Variants in AP1S3 observed in about 807,000 individuals in gnomAD.
AP1S3 encodes adaptor related protein complex 1 subunit sigma 3.
Under a neutral mutation model 20.9 loss-of-function variants are expected in AP1S3, and 10 were observed. The observed-to-expected ratio is 0.48, with a 90% CI of 0.29 to 0.81. The LOEUF is 0.81. Among genes scored for constraint, AP1S3 ranks in the 30% least tolerant of loss-of-function variants. The pLI is 0.08. For synonymous variants in AP1S3, 41 were observed against 61.5 expected (o/e 0.67, Z 1.56); for missense variants, 154 against 183.8 (o/e 0.84, Z 0.94).
At chr2:223,805,837 A>G (rs1456021740) in intron 1 of AP1S3, among the ~76,000 whole-genome samples, 2 of 152,178 alleles carry the variant, frequency 1.3e-5, no homozygotes, top group East Asian at 3.8e-4. Context: ...GAACTTTTAC[A>G]AATAATTATT....
At chr2:223,825,182 G>A (rs1054228992) in intron 1 of AP1S3, among the ~76,000 whole-genome samples, 6 of 151,966 alleles carry the variant, frequency 3.9e-5, no homozygotes, top group Admixed American at 2.6e-4. Flanking sequence ...GCGTGGTGGC[G>A]GGCGCCTGTA....
intron 1 of AP1S3, 51 bp downstream of exon 1, chr2:223,837,397 A>G: frequency 9.1e-7 from 1 of 1,101,894 alleles, no homozygotes; most frequent in Non-Finnish European, 1.1e-6. Flanking sequence ...GCCTCCCCGG[A>G]GCGCGAGCGC....
At chr2:223,780,306 TATAGAGAGAGAGAGAGAGAG>T (rs1397881438) in intron 1 of AP1S3, among the ~76,000 whole-genome samples, 4 of 45,252 alleles carry the variant, frequency 8.8e-5, no homozygotes, top group Admixed American at 6.3e-4. Context: ...TATATATATA[TATAGAGAGAGAGAGAGAGAG>T]AGAGAGAGAG....
chr2:223,773,243 G>T, intron 3 of AP1S3: 1 of 1,276,550 alleles, frequency 7.8e-7, no homozygotes, highest in Non-Finnish European at 1.0e-6. Context: ...GTTTAATCTA[G>T]GAAAATACAA....
intron 1 of AP1S3, among the ~76,000 whole-genome samples, chr2:223,782,248 C>T (rs776513983): frequency 2.1e-4 from 32 of 151,936 alleles, no homozygotes; most frequent in Non-Finnish European, 3.4e-4. Context: ...CCTGACCTCA[C>T]GTGATTGGCC....
intron 1 of AP1S3, among the ~76,000 whole-genome samples, chr2:223,805,174 C>T (rs1006084064): frequency 2.6e-5 from 4 of 152,078 alleles, no homozygotes; most frequent in African/African-American, 9.7e-5. Context: ...TGCCGAGGCT[C>T]ACGCCTCTAA....
At chr2:223,790,582 A>G (rs1335521770) in intron 1 of AP1S3, among the ~76,000 whole-genome samples, 1 of 152,124 alleles carries the variant, frequency 6.6e-6, no homozygotes, top group Non-Finnish European at 1.5e-5. Flanking sequence ...GTACAGGTTC[A>G]TAGAATAAGG....
At chr2:223,797,398 T>C (rs1691363917) in intron 1 of AP1S3, among the ~76,000 whole-genome samples, 1 of 152,188 alleles carries the variant, frequency 6.6e-6, no homozygotes, top group Non-Finnish European at 1.5e-5. Flanking sequence ...TCAGATTTTT[T>C]TCCCAAAAGC....
intron 1 of AP1S3, among the ~76,000 whole-genome samples, chr2:223,805,293 A>G (rs1469949995): frequency 2.0e-5 from 3 of 152,078 alleles, no homozygotes; most frequent in African/African-American, 7.2e-5. Context: ...AGAAACAAAA[A>G]TTAGCTGGGC....
In AP1S3 at chr2:223,803,091, T is replaced by C. The variant is rs73088106; in HGVS notation, c.4-25222A>G. Among the ~76,000 whole-genome samples the C allele has an allele frequency of 4.2e-3, 636 of 152,332 alleles. 2 individuals carry two copies. Among genetic ancestry groups the C allele is most frequent in the African/African-American group, 0.015 (619 of 41,586 alleles). ...AGCCAAGTTTAAATTTTTATGATGTTATCAGATGTAAACAAACATAAATAT... is the reference window on the plus strand; with the variant it reads ...AGCCAAGTTTAAATTTTTATGATGTCATCAGATGTAAACAAACATAAATAT... On this transcript the variant is annotated intron_variant, in intron 1 of 4. Transcript: ENST00000396654.
intron 1 of AP1S3, among the ~76,000 whole-genome samples, chr2:223,806,174 G>A (rs1691574789): frequency 6.6e-6 from 1 of 151,816 alleles, no homozygotes; most frequent in Non-Finnish European, 1.5e-5. Context: ...ACTGTTGAAA[G>A]CACCAAGCCC....
chr2:223,777,612 T>A, intron 2 of AP1S3, 79 bp downstream of exon 2: 1 of 1,263,330 alleles, frequency 7.9e-7, no homozygotes, highest in Non-Finnish European at 1.1e-6. Context: ...ATGGAATTGG[T>A]ATAGCAATCT....
At chr2:223,772,785 G>T (rs1456948771) in intron 3 of AP1S3, among the ~76,000 whole-genome samples, 1 of 152,128 alleles carries the variant, frequency 6.6e-6, no homozygotes, top group Admixed American at 6.6e-5. Context: ...TATAAGGGCA[G>T]AATTCAAGGA....
At chr2:223,798,788 G>A (rs926819196) in intron 1 of AP1S3, among the ~76,000 whole-genome samples, 3 of 152,156 alleles carry the variant, frequency 2.0e-5, no homozygotes, top group Non-Finnish European at 2.9e-5. Context: ...CATAGATGTT[G>A]CAGCTGGGTG....
rs1426477548 is a variant in AP1S3 at position 223,756,551 on chromosome 2, AAC to A, written c.*2162_*2163del. On this transcript the variant is annotated 3_prime_UTR_variant, in exon 5 of 5. Transcript: ENST00000396654. ...ACAAAACTGAAGGTTAGCTAAAGTA[AAC>A]ACAGTGGTCAATCATACATGATAAA... is the stretch of plus-strand genomic sequence containing the variant. 1.0e-6 allele frequency: 1 copy of A among 985,354 alleles called. No homozygotes were observed. The highest frequency in any genetic ancestry group is 1.7e-5 in the African/African-American group (1 of 57,250). 61.0% of individuals were successfully genotyped at this position (985,354 alleles called of 1,614,324 possible). A position where few individuals can be genotyped will look rare whatever the true frequency, so the allele number is the denominator to read the frequency against.
Position 223,772,272 on chromosome 2 carries a change from C to A in AP1S3, c.291+3629G>T, listed in dbSNP as rs139327913. Among the ~76,000 whole-genome samples the A allele has an allele frequency of 1.1e-3, 170 of 152,282 alleles. 1 individual carries two copies. The highest frequency in any genetic ancestry group is 3.6e-3 in the African/African-American group (151 of 41,546). ...CACTTCTCTTAACCTTTTTGAGGGTCATTTTTCTCATCTGCAAAACGGAGA... is the reference window on the plus strand; with the variant it reads ...CACTTCTCTTAACCTTTTTGAGGGTAATTTTTCTCATCTGCAAAACGGAGA... On this transcript the variant is annotated intron_variant, in intron 3 of 4. Coordinates refer to ENST00000396654, the MANE Select transcript of AP1S3 (RefSeq NM_001039569.2).
At chr2:223,804,953 G>T (rs10172799) in intron 1 of AP1S3, among the ~76,000 whole-genome samples, 3 of 151,994 alleles carry the variant, frequency 2.0e-5, no homozygotes. Flanking sequence ...AAATGATTTA[G>T]GCTTAAAACT....
intron 3 of AP1S3, among the ~76,000 whole-genome samples, chr2:223,765,953 G>A (rs539879943): frequency 1.4e-4 from 21 of 152,272 alleles, no homozygotes; most frequent in Admixed American, 5.9e-4. Flanking sequence ...TGAGGCCGCC[G>A]GACTGCGGGA....
chr2:223,756,930 A>G lies in AP1S3; in HGVS notation c.*1785T>C. On this transcript the variant is annotated 3_prime_UTR_variant, in exon 5 of 5. Coordinates refer to ENST00000396654, the MANE Select transcript of AP1S3 (RefSeq NM_001039569.2). Reference sequence around the variant, plus strand: ...ACCTCAAAGCTAACATTGAAAATGCACAGGTAAAACATCAAATAGCAGGCA... The same window carrying G: ...ACCTCAAAGCTAACATTGAAAATGCGCAGGTAAAACATCAAATAGCAGGCA... 7 of 985,406 alleles carry G rather than the reference A, an allele frequency of 7.1e-6. No individual in the cohort carries two copies. The highest frequency in any genetic ancestry group is 8.4e-6 in the Non-Finnish European group (7 of 829,926). The allele number at this position is 985,406 out of a possible 1,614,324, so 61.0% of individuals were successfully genotyped here.
Sources: allele counts gnomAD v4.1 joint callset (sites outside exome capture counted in the v4.1 genomes callset), GRCh38; gene constraint gnomAD v4.1.1; transcripts MANE v1.5; gene names NCBI Gene and HGNC (gene_info 2026-07-23, HGNC 2026-07-21).